The following USP25 variants were observed in gnomAD, a reference collection of about 807,000 sequenced individuals.
USP25 encodes the protein ubiquitin specific peptidase 25.
USP25 carries 85 observed loss-of-function variants against 158.5 expected under a neutral mutation model. The ratio of observed to expected loss-of-function variants is 0.54; its 90% CI spans 0.45 to 0.64. The LOEUF (loss-of-function observed/expected upper bound fraction) is 0.64, where lower values mean the gene tolerates loss of function less well. Among genes scored for constraint, USP25 ranks in the 30% least tolerant of loss-of-function variants. The probability of loss-of-function intolerance (pLI) is 0.00; values close to 1 mark genes in which losing one functional copy is unlikely to be tolerated. For missense variants in USP25, 1,242 were observed against 1,327.3 expected (o/e 0.94, Z 1.00); for synonymous variants, 464 against 460.4 (o/e 1.01, Z -0.10).
intron 1 of USP25, among the ~76,000 whole-genome samples, chr21:15,757,581 C>T (rs2033460682): frequency 6.6e-6 from 1 of 152,220 alleles, no homozygotes; most frequent in South Asian, 2.1e-4. Flanking sequence ...AAAATATTGT[C>T]ACTCACACTC....
chr21:15,759,826 A>G (rs2033621000), intron 1 of USP25, among the ~76,000 whole-genome samples: 1 of 152,154 alleles, frequency 6.6e-6, no homozygotes, highest in South Asian at 2.1e-4. Flanking sequence ...TTGAAGCTTC[A>G]GATTTTGTTT....
intron 18 of USP25, among the ~76,000 whole-genome samples, chr21:15,842,768 A>G (rs975395422): frequency 6.6e-6 from 1 of 152,212 alleles, no homozygotes. Context: ...CTGCTAGAGA[A>G]TTCTAATGAA....
Position 15,818,745 on chromosome 21 carries a change from G to A in USP25, c.979G>A (p.Val327Ile). ...TEMFGQYPLQVNGFKDLHECL... is the reference protein window; with the variant it reads ...TEMFGQYPLQINGFKDLHECL... ...AATGTTTGGTCAGTACCCACTTCAG[G>A]TCAATGGGTTCAAAGATCTGCATGA... Residue 327 changes from valine to isoleucine, a missense_variant, in exon 10 of 26, where the codon GTC (valine) becomes ATC (isoleucine). This residue lies in a region of USP25 where 627 missense variants were observed against 701.4 expected (regional missense o/e 0.89). Transcript: ENST00000400183. The A allele has an allele frequency of 6.2e-7, 1 of 1,613,524 alleles. No homozygotes were observed. The highest frequency in any genetic ancestry group is 8.5e-7 in the Non-Finnish European group (1 of 1,179,614).
intron 4 of USP25, among the ~76,000 whole-genome samples, chr21:15,787,463 T>G (rs1019562535): frequency 6.6e-6 from 1 of 152,084 alleles, no homozygotes; most frequent in Non-Finnish European, 1.5e-5. Flanking sequence ...AGCCAACTGA[T>G]TTTTGACAAA....
In USP25 at chr21:15,875,799, A is replaced by T. The variant is rs989269279; in HGVS notation, c.3009+1273A>T. Among the ~76,000 whole-genome samples, 1 of 152,236 alleles carries T rather than the reference A, an allele frequency of 6.6e-6. No individual in the cohort carries two copies. The highest frequency in any genetic ancestry group is 2.4e-5 in the African/African-American group (1 of 41,456). ...AATACTTGTCGATGTCAGATGATGA[A>T]GAAACTTAGATGACATTCAAATGAG... On this transcript the variant is annotated intron_variant, in intron 24 of 25. Transcript: ENST00000400183. This position sits in a 1 kb window ranked among gnomAD's most constrained non-coding sequence, Gnocchi z 4.7.
At chr21:15,851,881 G>T (rs962616527) in intron 20 of USP25, among the ~76,000 whole-genome samples, 2 of 151,934 alleles carry the variant, frequency 1.3e-5, no homozygotes, top group African/African-American at 4.8e-5. Flanking sequence ...TCATTCTGGG[G>T]ATTCCCTTTG....
chr21:15,869,852 T>A (rs1447864161), intron 22 of USP25, among the ~76,000 whole-genome samples: 1 of 152,238 alleles, frequency 6.6e-6, no homozygotes, highest in Non-Finnish European at 1.5e-5. Flanking sequence ...ACATTTCATA[T>A]CCATGCCTAA....
chr21:15,877,841 C>G lies in USP25; in HGVS notation c.3055C>G (p.Arg1019Gly), dbSNP rs756293019. 6.2e-7 allele frequency: 1 copy of G among 1,612,192 alleles called. No homozygotes were observed. The highest frequency in any genetic ancestry group is 2.2e-5 in the East Asian group (1 of 44,778). ...AAELFESGED[R>G]EVNNGLIIMN... ...AGAACTCTTCGAATCTGGAGAGGAT[C>G]GAGAAGTAAACAATGGTTTGATTAT... The change falls in exon 25 of 26, where the codon CGA becomes GGA. Residue 1019 changes from arginine to glycine, a missense_variant. Arg to Gly is a moderately radical substitution (Grantham distance 125). This residue lies in a region of USP25 where 608 missense variants were observed against 605.2 expected (regional missense o/e 1.00). Coordinates refer to ENST00000400183, the MANE Select transcript of USP25 (RefSeq NM_001283041.3).
chr21:15,826,770 T>A lies in USP25; in HGVS notation c.1467-207T>A, dbSNP rs2037525091. ...TTTAGAAATAAATATGATTAAGCTG[T>A]TTTAACTCTAAAGCTACAACTTCAT... On this transcript the variant is annotated intron_variant, in intron 13 of 25. Transcript: ENST00000400183. The surrounding 1 kb of genome is among the most constrained non-coding windows in gnomAD (Gnocchi z 4.8). Among the ~76,000 whole-genome samples, 1 of 152,214 alleles carries A rather than the reference T, an allele frequency of 6.6e-6. No homozygotes were observed.
intron 3 of USP25, among the ~76,000 whole-genome samples, chr21:15,771,705 C>T (rs78443437): frequency 0.079 from 11,773 of 149,410 alleles, 496 homozygotes; most frequent in East Asian, 0.092. Flanking sequence ...TTTAATAGCT[C>T]TTCTGTCAAT....
chr21:15,799,170 AAC>A (rs1324314669), intron 5 of USP25, among the ~76,000 whole-genome samples: 1 of 151,240 alleles, frequency 6.6e-6, no homozygotes, highest in Non-Finnish European at 1.5e-5. Context: ...CAGTTTAAAA[AAC>A]ATACTCCAGG....
At chr21:15,784,394 G>T (rs2035157142) in intron 4 of USP25, among the ~76,000 whole-genome samples, 1 of 152,070 alleles carries the variant, frequency 6.6e-6, no homozygotes, top group Admixed American at 6.6e-5. Context: ...TGAACGTGGA[G>T]AAACCCCGTC....
chr21:15,824,877 G>T, intron 11 of USP25, 89 bp from the exon 12 acceptor site: 1 of 1,044,668 alleles, frequency 9.6e-7, no homozygotes, highest in Non-Finnish European at 1.4e-6. Flanking sequence ...TGGCGTCCCA[G>T]AGTGGTAGGC....
rs532902885 is a variant in USP25 at position 15,847,753 on chromosome 21, A to G, written c.2428A>G (p.Lys810Glu). 1.5e-4 allele frequency: 239 copies of G among 1,549,786 alleles called. 2 individuals are homozygous for G. The South Asian group carries it at 2.6e-3, about 17-fold the overall frequency. ...PHVGKFMIES[K>E]EGGYDDEIMM... ...TGTAGGGAAATTTATGATTGAATCA[A>G]AGGAGGGGGGGTATGATGACGAGGT... The change falls in exon 19 of 26, where the codon AAG becomes GAG. Residue 810 changes from lysine to glutamate, a missense_variant. Lys to Glu is a moderately conservative substitution (Grantham distance 56). This residue lies in a region of USP25 where 608 missense variants were observed against 605.2 expected (regional missense o/e 1.00). Coordinates refer to ENST00000400183, the MANE Select transcript of USP25 (RefSeq NM_001283041.3).
rs371814525 is a variant in USP25 at position 15,818,749 on chromosome 21, A to G, written c.983A>G (p.Asn328Ser). 35 of 1,613,584 alleles carry G rather than the reference A, an allele frequency of 2.2e-5. No individual in the cohort carries two copies. The highest frequency in any genetic ancestry group is 2.7e-5 in the Non-Finnish European group (32 of 1,179,684). Reference protein sequence around the residue: ...EMFGQYPLQVNGFKDLHECLE... With the variant: ...EMFGQYPLQVSGFKDLHECLE... ...TTTGGTCAGTACCCACTTCAGGTCA[A>G]TGGGTTCAAAGATCTGCATGAGTGC... The change falls in exon 10 of 26, where the codon AAT becomes AGT. Residue 328 changes from asparagine to serine, a missense_variant. Transcript: ENST00000400183.
At chr21:15,761,957 G>A (rs2033753242) in intron 1 of USP25, among the ~76,000 whole-genome samples, 2 of 152,054 alleles carry the variant, frequency 1.3e-5, no homozygotes, top group South Asian at 4.2e-4. Context: ...GACCTGTACG[G>A]GTTCGCCACT....
intron 24 of USP25, chr21:15,876,663 T>A (rs2040109136): frequency 6.6e-6 from 1 of 152,402 alleles, no homozygotes; most frequent in South Asian, 2.1e-4. Context: ...TATGATCTGA[T>A]CACCTCCCAC....
chr21:15,809,908 G>C (rs970624251), intron 8 of USP25, among the ~76,000 whole-genome samples: 3 of 152,066 alleles, frequency 2.0e-5, no homozygotes, highest in African/African-American at 7.2e-5. Context: ...CAAAAGGACA[G>C]GTACTATAAA....
chr21:15,843,572 A>G lies in USP25; in HGVS notation c.2337+1032A>G, dbSNP rs114837750. Among the ~76,000 whole-genome samples, 1,445 of 152,318 alleles carry G rather than the reference A, an allele frequency of 9.5e-3. 21 individuals are homozygous for G. The highest frequency in any genetic ancestry group is 0.033 in the African/African-American group (1,375 of 41,576). On this transcript the variant is annotated intron_variant, in intron 18 of 25. Coordinates refer to ENST00000400183, the MANE Select transcript of USP25 (RefSeq NM_001283041.3). This position sits in a 1 kb window ranked among gnomAD's most constrained non-coding sequence, Gnocchi z 4.0. Reference sequence around the variant, plus strand: ...TTAATATATCATCTTATTAAAATGTATTAATTTAAATAGATATTTGATGAT... The same window carrying G: ...TTAATATATCATCTTATTAAAATGTGTTAATTTAAATAGATATTTGATGAT...
Sources: allele counts gnomAD v4.1 joint callset (sites outside exome capture counted in the v4.1 genomes callset), GRCh38; gene constraint gnomAD v4.1.1; regional missense constraint gnomAD v4.1.1; non-coding constraint Gnocchi (gnomAD v3.1); transcripts MANE v1.5; gene names NCBI Gene and HGNC (gene_info 2026-07-23, HGNC 2026-07-21).